The following TLE4 variants were observed in gnomAD, a reference collection of about 807,000 sequenced individuals.
TLE4 encodes TLE family member 4, transcriptional corepressor.
Under a neutral mutation model 92.8 loss-of-function variants are expected in TLE4, and 8 were observed. That is an observed-to-expected ratio of 0.09 (90% confidence interval 0.05 to 0.16). TLE4 has a LOEUF of 0.16. Ranked by LOEUF, TLE4 falls within the 10% of genes least tolerant of loss-of-function variation. TLE4 has a pLI of 1.00. For synonymous variants in TLE4, 371 were observed against 374.1 expected (o/e 0.99, Z 0.10); for missense variants, 675 against 997.6 (o/e 0.68, Z 4.36).
intron 6 of TLE4, among the ~76,000 whole-genome samples, chr9:79,646,147 T>C (rs1303409615): frequency 6.6e-6 from 1 of 152,218 alleles, no homozygotes; most frequent in Non-Finnish European, 1.5e-5. Context: ...ATCTGTGTTA[T>C]ACTGTGTACT....
intron 8 of TLE4, among the ~76,000 whole-genome samples, chr9:79,692,100 C>T (rs2067205830): frequency 6.6e-6 from 1 of 152,096 alleles, no homozygotes; most frequent in Non-Finnish European, 1.5e-5. Flanking sequence ...AGTTTTGAGG[C>T]CCCACTCACT....
At position 79,709,623 on chromosome 9, in the gene TLE4, G is replaced by A; in HGVS notation, c.1264G>A (p.Val422Met). ...AAAAYGRSPV[V>M]GFDPHHHMRV... Reference sequence around the variant, plus strand: ...GTTGTTTGCTTGGGAAAAATTCTAGGTGGGATTTGATCCACACCATCACAT... The same window carrying A: ...GTTGTTTGCTTGGGAAAAATTCTAGATGGGATTTGATCCACACCATCACAT... The change falls in exon 14 of 20, where the codon GTG becomes ATG. Residue 422 changes from valine (V) to methionine (M), a missense_variant and splice_region_variant. Around this residue, in one of 5 missense-constraint regions of TLE4, gnomAD observed 119 missense variants for 175.9 expected, o/e 0.68. Transcript: ENST00000376552. The A allele has an allele frequency of 6.2e-7, 1 of 1,613,532 alleles. No homozygotes were observed. Among genetic ancestry groups the A allele is most frequent in the Non-Finnish European group, 8.5e-7 (1 of 1,179,770 alleles).
At chr9:79,573,829 C>T (rs1011448578) in intron 2 of TLE4, 43 bp downstream of exon 2, 2 of 1,406,898 alleles carry the variant, frequency 1.4e-6, no homozygotes, top group East Asian at 2.4e-5. Context: ...TTGCTTAGCT[C>T]TTGTCTCCCC....
At chr9:79,614,911 T>C (rs148709188) in intron 5 of TLE4, among the ~76,000 whole-genome samples, 8 of 152,292 alleles carry the variant, frequency 5.3e-5, no homozygotes, top group African/African-American at 1.7e-4. Context: ...AGCCAAAAGA[T>C]TGGACACCCG....
intron 4 of TLE4, among the ~76,000 whole-genome samples, chr9:79,593,400 A>G (rs1401650167): frequency 2.0e-5 from 3 of 152,140 alleles, no homozygotes; most frequent in Non-Finnish European, 4.4e-5. Flanking sequence ...ATCTAATGAC[A>G]TAATCATCAG....
intron 4 of TLE4, among the ~76,000 whole-genome samples, chr9:79,596,092 C>T (rs1258555877): frequency 6.6e-6 from 1 of 152,052 alleles, no homozygotes; most frequent in Non-Finnish European, 1.5e-5. Flanking sequence ...GTGATCCGCC[C>T]GCCCTGGCCT....
In TLE4 at chr9:79,592,397, T is replaced by C. The variant is rs530831366; in HGVS notation, c.252+16220T>C. 5.3e-5 allele frequency among the ~76,000 whole-genome samples: 8 copies of C among 150,470 alleles called. No individual in the cohort carries two copies. The South Asian group carries it at 1.7e-3, about 32-fold the overall frequency. On this transcript the variant is annotated intron_variant, in intron 4 of 19. Transcript: ENST00000376552. ...CTCGAGTGATCCTCCCACCTCAGCC[T>C]CCTGAATAGCTGGGACTAAAGGTGC... is the stretch of plus-strand genomic sequence containing the variant.
chr9:79,581,060 C>T (rs900246108), intron 4 of TLE4, among the ~76,000 whole-genome samples: 3 of 152,110 alleles, frequency 2.0e-5, no homozygotes, highest in Non-Finnish European at 4.4e-5. Flanking sequence ...ATTATTTACA[C>T]GCTGATAATA....
At chr9:79,707,012 T>G in intron 11 of TLE4, 113 bp downstream of exon 11, 1 of 1,556,446 alleles carries the variant, frequency 6.4e-7, no homozygotes, top group Non-Finnish European at 8.7e-7. Context: ...TATTTCCAAA[T>G]GTATATATGT....
rs2076288568 is a variant in TLE4 at position 79,725,371 on chromosome 9, G to A, written c.*227G>A. 1 of 393,380 alleles carries A rather than the reference G, an allele frequency of 2.5e-6. No homozygotes were observed. Among genetic ancestry groups the A allele is most frequent in the Non-Finnish European group, 4.7e-6 (1 of 214,516 alleles). 24.4% of individuals were successfully genotyped at this position (393,380 alleles called of 1,614,324 possible). A position where few individuals can be genotyped will look rare whatever the true frequency, so the allele number is the denominator to read the frequency against. On this transcript the variant is annotated 3_prime_UTR_variant, in exon 20 of 20. Coordinates refer to ENST00000376552, the MANE Select transcript of TLE4 (RefSeq NM_007005.6). ...TTCAGCTGTCTACTTGGAAGAACATGGAATAAGCATACTTAACAGTGAAAA... is the reference window on the plus strand; with the variant it reads ...TTCAGCTGTCTACTTGGAAGAACATAGAATAAGCATACTTAACAGTGAAAA...
intron 6 of TLE4, among the ~76,000 whole-genome samples, chr9:79,651,121 T>C (rs1457110472): frequency 6.6e-6 from 1 of 151,806 alleles, no homozygotes; most frequent in Admixed American, 6.6e-5. Flanking sequence ...GAAAGAAAAT[T>C]ATAGAAGGGA....
intron 14 of TLE4, among the ~76,000 whole-genome samples, chr9:79,712,601 G>T (rs2073596831): frequency 6.6e-6 from 1 of 152,176 alleles, no homozygotes; most frequent in Non-Finnish European, 1.5e-5. Flanking sequence ...ACAATGAATT[G>T]CTAGATATGA....
intron 14 of TLE4, among the ~76,000 whole-genome samples, chr9:79,712,335 C>T (rs1307722462): frequency 6.6e-6 from 1 of 152,086 alleles, no homozygotes; most frequent in Non-Finnish European, 1.5e-5. Flanking sequence ...TATATGCATA[C>T]AGAGATAATA....
At chr9:79,704,698 A>C in intron 8 of TLE4, 85 bp from the exon 9 acceptor site, 1 of 1,532,894 alleles carries the variant, frequency 6.5e-7, no homozygotes, top group Non-Finnish European at 8.8e-7. Context: ...GAATAAAAAG[A>C]AAAGAAAGTC....
At chr9:79,665,499 A>G (rs1350366704) in intron 8 of TLE4, among the ~76,000 whole-genome samples, 1 of 152,210 alleles carries the variant, frequency 6.6e-6, no homozygotes, top group Non-Finnish European at 1.5e-5. Flanking sequence ...AAATGTGCAT[A>G]TAAAACCAGT....
chr9:79,689,225 CT>C (rs1003331787), intron 8 of TLE4, among the ~76,000 whole-genome samples: 7 of 151,914 alleles, frequency 4.6e-5, no homozygotes, highest in African/African-American at 1.7e-4. Context: ...TAAGTGGAGG[CT>C]TTGCAAAGTT....
intron 8 of TLE4, among the ~76,000 whole-genome samples, chr9:79,696,071 A>C (rs2068182906): frequency 6.6e-6 from 1 of 152,228 alleles, no homozygotes; most frequent in African/African-American, 2.4e-5. Context: ...GCTTTTCAGC[A>C]GCAGCAATGT....
chr9:79,678,777 C>T (rs1360533890), intron 8 of TLE4, among the ~76,000 whole-genome samples: 1 of 151,700 alleles, frequency 6.6e-6, no homozygotes, highest in Non-Finnish European at 1.5e-5. Flanking sequence ...CCCCCTGCCC[C>T]CACCCTACAA....
intron 8 of TLE4, among the ~76,000 whole-genome samples, chr9:79,700,793 G>T (rs2069592704): frequency 6.6e-6 from 1 of 152,032 alleles, no homozygotes; most frequent in South Asian, 2.1e-4. Context: ...CTCTGGATCA[G>T]CCATTGCTTG....
Sources: allele counts gnomAD v4.1 joint callset (sites outside exome capture counted in the v4.1 genomes callset), GRCh38; gene constraint gnomAD v4.1.1; regional missense constraint gnomAD v4.1.1; transcripts MANE v1.5; gene names NCBI Gene and HGNC (gene_info 2026-07-23, HGNC 2026-07-21).